DNMT3B: variants seen among roughly 807,000 people sequenced by gnomAD.
DNMT3B encodes the protein DNA methyltransferase 3 beta.
A neutral mutation model predicts 120.2 loss-of-function variants in DNMT3B; 37 were observed. The observed-to-expected ratio is 0.31, with a 90% confidence interval of 0.24 to 0.40. DNMT3B has a LOEUF of 0.40. Ranked by LOEUF, DNMT3B falls within the 10% of genes least tolerant of loss-of-function variation. The probability of loss-of-function intolerance (pLI) is 1.00; values close to 1 mark genes in which losing one functional copy is unlikely to be tolerated. For synonymous variants in DNMT3B, 412 were observed against 442.8 expected, an observed-to-expected ratio of 0.93 and a Z score of 0.87; for missense variants, 878 against 1,137.3, an observed-to-expected ratio of 0.77 and a Z score of 3.28.
intron 9 of DNMT3B, among the ~76,000 whole-genome samples, 181 bp downstream of exon 9, chr20:32,792,951 C>T (rs770438923): frequency 4.6e-5 from 7 of 152,336 alleles, no homozygotes; most frequent in Middle Eastern, 3.4e-3. Flanking sequence ...CTGGCTTCCC[C>T]GGCCACTTTC....
intron 7 of DNMT3B, 65 bp from the exon 8 acceptor site, chr20:32,791,536 T>G: frequency 2.0e-6 from 3 of 1,503,712 alleles, no homozygotes; most frequent in Non-Finnish European, 2.8e-6. Flanking sequence ...ATGGACAACA[T>G]TGTGATAGAC....
chr20:32,806,845 T>C (rs552553861), intron 22 of DNMT3B, among the ~76,000 whole-genome samples: 1 of 152,356 alleles, frequency 6.6e-6, no homozygotes, highest in South Asian at 2.1e-4. Flanking sequence ...TACTATTTTT[T>C]AAAAATCATT....
chr20:32,801,316 C>T lies in DNMT3B; in HGVS notation c.2035C>T (p.Leu679=), dbSNP rs1180518273. 3.1e-6 allele frequency: 5 copies of T among 1,614,188 alleles called. No individual in the cohort carries two copies. The Admixed American group carries it at 6.7e-5, about 22-fold the overall frequency. ...GRLFFEFYHL[L]NYSRPKEGDD... is the part of the protein sequence containing the mutation. Reference sequence around the variant, plus strand: ...GCTCTTCTTCGAATTTTACCACCTGCTGAATTACTCACGCCCCAAGGAGGG... The same window carrying T: ...GCTCTTCTTCGAATTTTACCACCTGTTGAATTACTCACGCCCCAAGGAGGG... The change falls in exon 19 of 23, where the codon CTG becomes TTG. Residue 679 remains leucine, a synonymous_variant. Transcript: ENST00000328111.
intron 19 of DNMT3B, among the ~76,000 whole-genome samples, chr20:32,801,809 T>C (rs748926942): frequency 2.0e-5 from 3 of 152,152 alleles, no homozygotes; most frequent in African/African-American, 7.2e-5. Context: ...AGTCTTGAAC[T>C]CCTGGGCTCA....
chr20:32,764,789 C>A (rs1376760729), intron 1 of DNMT3B, among the ~76,000 whole-genome samples: 2 of 152,160 alleles, frequency 1.3e-5, no homozygotes, highest in Non-Finnish European at 2.9e-5. Flanking sequence ...ATAGACATAA[C>A]CCCCACCCCT....
At chr20:32,770,026 C>T (rs539803020) in intron 1 of DNMT3B, among the ~76,000 whole-genome samples, 87 of 152,234 alleles carry the variant, frequency 5.7e-4, no homozygotes, top group Admixed American at 1.2e-3. Flanking sequence ...GCCTCAACTC[C>T]AATGCTCCAG....
At position 32,786,575 on chromosome 20, in the gene DNMT3B, G is replaced by C. The variant is rs754832933; in HGVS notation, c.380G>C (p.Arg127Pro). The C allele has an allele frequency of 6.2e-7, 1 of 1,613,830 alleles. No individual in the cohort carries two copies. Among genetic ancestry groups the C allele is most frequent in the East Asian group, 2.2e-5 (1 of 44,898 alleles). Residue 127 changes from arginine (R) to proline (P), a missense_variant, in exon 5 of 23, where the codon CGG (arginine) becomes CCG (proline). Arg to Pro is a moderately radical substitution (Grantham distance 103, BLOSUM62 -2). This residue lies in a region of DNMT3B where 287 missense variants were observed against 306.2 expected (regional missense o/e 0.94). Coordinates refer to ENST00000328111, the MANE Select transcript of DNMT3B (RefSeq NM_006892.4). ...HRPSPRSTRGRQGRNHVDESP... is the reference protein window; with the variant it reads ...HRPSPRSTRGPQGRNHVDESP... ...CCTTCCCCACGTTCCACCCGAGGCC[G>C]GCAGGGCCGCAACCATGTGGACGAG...
intron 16 of DNMT3B, among the ~76,000 whole-genome samples, chr20:32,799,575 A>C (rs1276193382): frequency 6.6e-6 from 1 of 152,096 alleles, no homozygotes; most frequent in Non-Finnish European, 1.5e-5. Flanking sequence ...GTTAGAGTGC[A>C]ATGGCGTGAT....
At position 32,773,934 on chromosome 20, in the gene DNMT3B, GT is replaced by G. The variant is rs1161730284; in HGVS notation, c.-6-6358del. Among the ~76,000 whole-genome samples the G allele has an allele frequency of 1.1e-3, 74 of 69,150 alleles. 1 individual carries two copies. Among genetic ancestry groups the G allele is most frequent in the African/African-American group, 4.4e-3 (67 of 15,074 alleles). The allele number at this position is 69,150 out of a possible 152,430, so 45.4% of individuals were successfully genotyped here. Reference sequence around the variant, plus strand: ...GCATGAGCCACTGCGCCCGGCAGTGGTTTTTTTTTTTTTTTTTTTTTTTTTT... The same window carrying G: ...GCATGAGCCACTGCGCCCGGCAGTGGTTTTTTTTTTTTTTTTTTTTTTTTT... On this transcript the variant is annotated intron_variant, in intron 1 of 22. Transcript: ENST00000328111.
intron 22 of DNMT3B, among the ~76,000 whole-genome samples, chr20:32,807,548 A>C (rs1242043482): frequency 6.6e-6 from 1 of 152,214 alleles, no homozygotes; most frequent in Non-Finnish European, 1.5e-5. Flanking sequence ...TGCCAAGAGT[A>C]TGGTGCTAGG....
chr20:32,782,119 T>G (rs754816302), intron 3 of DNMT3B, among the ~76,000 whole-genome samples: 10 of 152,214 alleles, frequency 6.6e-5, no homozygotes, highest in Non-Finnish European at 1.5e-4. Flanking sequence ...GAAAAATAAA[T>G]GCATGCTAGT....
At chr20:32,801,689 A>G (rs563768520) in intron 19 of DNMT3B, among the ~76,000 whole-genome samples, 9 of 152,274 alleles carry the variant, frequency 5.9e-5, no homozygotes, top group Admixed American at 3.3e-4. Flanking sequence ...GGCTCAGGCA[A>G]TCCTCCTACC....
chr20:32,768,192 ATTTTTTT>A (rs34062797), intron 1 of DNMT3B, among the ~76,000 whole-genome samples: 1 of 128,706 alleles, frequency 7.8e-6, no homozygotes, highest in African/African-American at 3.0e-5. Flanking sequence ...GCTAATTTTA[ATTTTTTT>A]TTTTTTTTTT....
chr20:32,780,699 T>C (rs1472628362), intron 2 of DNMT3B, among the ~76,000 whole-genome samples: 2 of 151,758 alleles, frequency 1.3e-5, no homozygotes, highest in East Asian at 3.9e-4. Context: ...GACACAAGGG[T>C]GATGGTTCCC....
At chr20:32,800,717 C>T in intron 17 of DNMT3B, 118 bp from the exon 18 acceptor site, 8 of 1,177,808 alleles carry the variant, frequency 6.8e-6, no homozygotes, top group South Asian at 1.2e-5. Flanking sequence ...CGCCGTCAGC[C>T]TTCCTGGGAT....
At chr20:32,781,547 A>G in intron 3 of DNMT3B, 133 bp downstream of exon 3, 6 of 920,532 alleles carry the variant, frequency 6.5e-6, no homozygotes, top group South Asian at 1.4e-5. Flanking sequence ...TGCTTTCTGC[A>G]TATATTTGGC....
chr20:32,806,679 A>C (rs532170192), intron 22 of DNMT3B, among the ~76,000 whole-genome samples: 1 of 152,340 alleles, frequency 6.6e-6, no homozygotes, highest in South Asian at 2.1e-4. Context: ...CAGTTTGCTC[A>C]TTCTATAAAT....
chr20:32,779,044 A>G (rs1046329651), intron 1 of DNMT3B, among the ~76,000 whole-genome samples: 3 of 152,130 alleles, frequency 2.0e-5, no homozygotes, highest in African/African-American at 7.2e-5. Context: ...TGTCTCCACG[A>G]TGGAGCCCGA....
At position 32,784,631 on chromosome 20, in the gene DNMT3B, T is replaced by C. The variant is rs1187625260; in HGVS notation, c.205-127T>C. On this transcript the variant is annotated intron_variant, in intron 3 of 22. Transcript: ENST00000328111. ...TGTGTCTGCACCCATATGCAGTGTG[T>C]TGTGATGAGTGACCCGGTCTCCCTG... The C allele has an allele frequency of 1.1e-5, 11 of 974,282 alleles. No individual in the cohort carries two copies. The East Asian group carries it at 2.9e-4, about 25-fold the overall frequency. 60.4% of individuals were successfully genotyped at this position (974,282 alleles called of 1,614,324 possible).
Sources: allele counts gnomAD v4.1 joint callset (sites outside exome capture counted in the v4.1 genomes callset), GRCh38; gene constraint gnomAD v4.1.1; regional missense constraint gnomAD v4.1.1; transcripts MANE v1.5; gene names NCBI Gene and HGNC (gene_info 2026-07-23, HGNC 2026-07-21).